SH3BP4: variants seen among roughly 807,000 people sequenced by gnomAD.
SH3BP4 encodes SH3 domain binding protein 4.
Under a neutral mutation model 65.5 loss-of-function variants are expected in SH3BP4, and 33 were observed. The ratio of observed to expected loss-of-function variants is 0.50; its 90% CI spans 0.38 to 0.67. SH3BP4 has a LOEUF of 0.67. Ranked by LOEUF, SH3BP4 falls within the 30% of genes least tolerant of loss-of-function variation. The pLI is 0.00. For synonymous variants in SH3BP4, 552 were observed against 545.5 expected (o/e 1.01, Z -0.17); for missense variants, 1,134 against 1,261.4 (o/e 0.90, Z 1.53).
At position 235,041,362 on chromosome 2, in the gene SH3BP4, G is replaced by T. The variant is rs1197536008; in HGVS notation, c.593G>T (p.Gly198Val). The change falls in exon 4 of 6, where the codon GGT becomes GTT. Residue 198 changes from glycine (G) to valine (V), a missense_variant. Transcript: ENST00000392011. The surrounding 1 kb of genome is among the most constrained non-coding windows in gnomAD (Gnocchi z 6.0). The stretch of plus-strand genomic sequence containing the variant: ...GTGGATTTGCTCCTTTTTGACGCAG[G>T]TACATCCTCCTTCACCGAATCCAGC... ...STVDLLLFDA[G>V]TSSFTESSSA... 6.2e-7 allele frequency: 1 copy of T among 1,613,924 alleles called. No individual in the cohort carries two copies. Among genetic ancestry groups the T allele is most frequent in the Admixed American group, 1.7e-5 (1 of 59,950 alleles).
chr2:234,965,787 G>A lies in SH3BP4; in HGVS notation c.-207+13617G>A, dbSNP rs114739058. Among the ~76,000 whole-genome samples, 261 of 152,234 alleles carry A rather than the reference G, an allele frequency of 1.7e-3. 1 individual carries two copies. Among genetic ancestry groups the A allele is most frequent in the Non-Finnish European group, 2.9e-3 (195 of 68,000 alleles). On this transcript the variant is annotated intron_variant, in intron 1 of 5. Transcript: ENST00000392011. The stretch of plus-strand genomic sequence containing the variant: ...TGCGACTAACAGGTGAGTAACATTC[G>A]GGACAAAATTCTGATTTACTGCTCA...
At chr2:235,048,018 G>T (rs979896788) in intron 4 of SH3BP4, among the ~76,000 whole-genome samples, 6 of 152,166 alleles carry the variant, frequency 3.9e-5, no homozygotes, top group African/African-American at 1.4e-4. Flanking sequence ...GGCGCATTGG[G>T]GCGGGAAAGA....
At chr2:235,031,803 C>T (rs980481190) in intron 2 of SH3BP4, among the ~76,000 whole-genome samples, 8 of 152,238 alleles carry the variant, frequency 5.3e-5, no homozygotes, top group African/African-American at 1.7e-4. Flanking sequence ...GTAACAGTTC[C>T]TGTTACCGCC....
chr2:235,006,317 A>C (rs1310672277), intron 2 of SH3BP4, among the ~76,000 whole-genome samples: 1 of 152,144 alleles, frequency 6.6e-6, no homozygotes, highest in African/African-American at 2.4e-5. Flanking sequence ...CAGAGCGGCC[A>C]CTTGCTGCCC....
chr2:235,030,643 A>T lies in SH3BP4; in HGVS notation c.-132-4228A>T, dbSNP rs1559250747. Among the ~76,000 whole-genome samples, 2 of 145,522 alleles carry T rather than the reference A, an allele frequency of 1.4e-5. No homozygotes were observed. Among genetic ancestry groups the T allele is most frequent in the African/African-American group, 2.5e-5 (1 of 40,132 alleles). ...CACACCAGGCTGAGCTGGGAGGAGG[A>T]GGAGGGGTGGGAGGGGAGAGGATTC... On this transcript the variant is annotated intron_variant, in intron 2 of 5. Coordinates refer to ENST00000392011, the MANE Select transcript of SH3BP4 (RefSeq NM_014521.3). This position sits in a 1 kb window ranked among gnomAD's most constrained non-coding sequence, Gnocchi z 4.1.
intron 1 of SH3BP4, among the ~76,000 whole-genome samples, chr2:234,993,309 C>T (rs913332477): frequency 6.6e-6 from 1 of 152,186 alleles, no homozygotes; most frequent in Non-Finnish European, 1.5e-5. Context: ...ACTGCAGCCA[C>T]TGGAGGCGGA....
intron 2 of SH3BP4, among the ~76,000 whole-genome samples, chr2:235,021,987 T>C (rs897164456): frequency 3.3e-5 from 5 of 152,192 alleles, no homozygotes; most frequent in Non-Finnish European, 7.3e-5. Flanking sequence ...TGTACATTAA[T>C]GTCAGTCCAC....
intron 2 of SH3BP4, among the ~76,000 whole-genome samples, chr2:235,012,366 T>C (rs899260806): frequency 3.9e-5 from 6 of 152,250 alleles, no homozygotes; most frequent in African/African-American, 7.2e-5. Context: ...TTGAGAAGGG[T>C]GGTGGCTACA....
At position 235,045,369 on chromosome 2, in the gene SH3BP4, G is replaced by T. The variant is rs1574848913; in HGVS notation, c.2478+2122G>T. ...AGGTGGCTTTTACACTCATTTTCCT[G>T]CTTTTTTATCTTTTTCCAAAAGACA... On this transcript the variant is annotated intron_variant, in intron 4 of 5. Coordinates refer to ENST00000392011, the MANE Select transcript of SH3BP4 (RefSeq NM_014521.3). This position sits in a 1 kb window ranked among gnomAD's most constrained non-coding sequence, Gnocchi z 4.3. Among the ~76,000 whole-genome samples, 1 of 152,224 alleles carries T rather than the reference G, an allele frequency of 6.6e-6. No individual in the cohort carries two copies. Among genetic ancestry groups the T allele is most frequent in the South Asian group, 2.1e-4 (1 of 4,822 alleles).
chr2:235,039,565 A>C (rs937123763), intron 3 of SH3BP4, among the ~76,000 whole-genome samples: 3 of 151,962 alleles, frequency 2.0e-5, no homozygotes, highest in Non-Finnish European at 2.9e-5. Flanking sequence ...GAATGTCAGC[A>C]GACTCCGTAA....
At chr2:234,970,518 C>A (rs1180060113) in intron 1 of SH3BP4, among the ~76,000 whole-genome samples, 1 of 152,228 alleles carries the variant, frequency 6.6e-6, no homozygotes, top group East Asian at 1.9e-4. Context: ...TTTCTGAGAT[C>A]ATGGTTTTAC....
In SH3BP4 at chr2:235,034,683, C is replaced by T. The variant is rs1003028002; in HGVS notation, c.-132-188C>T. Among the ~76,000 whole-genome samples the T allele has an allele frequency of 3.3e-5, 5 of 152,222 alleles. No individual in the cohort carries two copies. Among genetic ancestry groups the T allele is most frequent in the Non-Finnish European group, 7.3e-5 (5 of 68,036 alleles). On this transcript the variant is annotated intron_variant, in intron 2 of 5. Coordinates refer to ENST00000392011, the MANE Select transcript of SH3BP4 (RefSeq NM_014521.3). The surrounding 1 kb of genome is among the most constrained non-coding windows in gnomAD (Gnocchi z 6.2). Reference sequence around the variant, plus strand: ...GTGTGTGCCCAGTGTGCCAATGAGACAAGCACAAAGTGGGCACAGAGGCCA... The same window carrying T: ...GTGTGTGCCCAGTGTGCCAATGAGATAAGCACAAAGTGGGCACAGAGGCCA...
intron 3 of SH3BP4, 79 bp from the exon 4 acceptor site, chr2:235,040,809 G>A (rs1004764829): frequency 2.9e-5 from 36 of 1,247,990 alleles, no homozygotes; most frequent in South Asian, 1.3e-4. Context: ...GTTTACCACC[G>A]TCCTCTCTCC....
chr2:235,025,505 G>A (rs747808911), intron 2 of SH3BP4, among the ~76,000 whole-genome samples: 6 of 152,282 alleles, frequency 3.9e-5, no homozygotes, highest in East Asian at 1.9e-4. Flanking sequence ...ATGTCTGAGC[G>A]CAACAGTCAT....
At chr2:234,995,477 G>A (rs1289750914) in intron 2 of SH3BP4, 101 bp downstream of exon 2, 1 of 152,266 alleles carries the variant, frequency 6.6e-6, no homozygotes, top group East Asian at 1.9e-4. Context: ...GGCCCCAAAC[G>A]TGTGCAGAGC....
At position 234,997,326 on chromosome 2, in the gene SH3BP4, G is replaced by T. The variant is rs1232777448; in HGVS notation, c.-133+1950G>T. On this transcript the variant is annotated intron_variant, in intron 2 of 5. Coordinates refer to ENST00000392011, the MANE Select transcript of SH3BP4 (RefSeq NM_014521.3). This position sits in a 1 kb window ranked among gnomAD's most constrained non-coding sequence, Gnocchi z 4.2. ...TCAGTGAGAGACACGGCTACCCAGG[G>T]TTTCCATTTCCAGGCCCCGAGTTTT... Among the ~76,000 whole-genome samples the T allele has an allele frequency of 6.6e-6, 1 of 152,214 alleles. No homozygotes were observed. Among genetic ancestry groups the T allele is most frequent in the Admixed American group, 6.5e-5 (1 of 15,290 alleles).
At position 235,042,607 on chromosome 2, in the gene SH3BP4, C is replaced by G. The variant is rs1325016946; in HGVS notation, c.1838C>G (p.Pro613Arg). The change falls in exon 4 of 6, where the codon CCT becomes CGT. Residue 613 changes from proline to arginine, a missense_variant. Transcript: ENST00000392011. This position sits in a 1 kb window ranked among gnomAD's most constrained non-coding sequence, Gnocchi z 7.3. Reference sequence around the variant, plus strand: ...TGTGTCCAGACTCCTCAGCCACCCCCTAAAAGTGCCATCAAGCCTTCCGGG... The same window carrying G: ...TGTGTCCAGACTCCTCAGCCACCCCGTAAAAGTGCCATCAAGCCTTCCGGG... Reference protein sequence around the residue: ...QFCVQTPQPPPKSAIKPSGQR... With the variant: ...QFCVQTPQPPRKSAIKPSGQR... The G allele has an allele frequency of 7.4e-6, 12 of 1,614,080 alleles. No homozygotes were observed. The highest frequency in any genetic ancestry group is 1.3e-5 in the African/African-American group (1 of 75,020).
chr2:234,986,773 A>G (rs1165606389), intron 1 of SH3BP4, among the ~76,000 whole-genome samples: 1 of 150,492 alleles, frequency 6.6e-6, no homozygotes, highest in African/African-American at 2.4e-5. Flanking sequence ...ATGGGAAAGT[A>G]TGTTATCAAC....
rs2106336267 is a variant in SH3BP4 at position 235,043,212 on chromosome 2, AAAG to A, written c.2446_2448del (p.Glu816del). 1.3e-6 allele frequency: 2 copies of A among 1,590,226 alleles called. No individual in the cohort carries two copies. Among genetic ancestry groups the A allele is most frequent in the East Asian group, 4.5e-5 (2 of 44,428 alleles). On this transcript the variant is annotated inframe_deletion, in exon 4 of 6. Transcript: ENST00000392011. ...GGAGGACTGTAACAACACTGAGAAC[AAAG>A]AACGGAAGTCCTTCCAGAAGGAGCT...
Sources: gnomAD v4.1 joint callset for allele counts (sites outside exome capture counted in the v4.1 genomes callset) on GRCh38, gnomAD v4.1.1 for gene constraint, Gnocchi (gnomAD v3.1) non-coding constraint, MANE v1.5 for transcripts, NCBI Gene and HGNC (gene_info 2026-07-23, HGNC 2026-07-21) for gene names.